The following ARMC3 variants were observed in gnomAD, a reference collection of about 807,000 sequenced individuals.
The protein encoded by ARMC3 is armadillo repeat containing 3.
A neutral mutation model predicts 90.3 loss-of-function variants in ARMC3; 74 were observed. The ratio of observed to expected loss-of-function variants is 0.82; its 90% CI spans 0.68 to 0.99. ARMC3 has a LOEUF of 0.99. Among genes scored for constraint, ARMC3 ranks in the 50% least tolerant of loss-of-function variants. ARMC3 has a pLI of 0.00. For synonymous variants in ARMC3, 334 were observed against 361.8 expected, an observed-to-expected ratio of 0.92 and a Z score of 0.87; for missense variants, 958 against 1,042.8, an observed-to-expected ratio of 0.92 and a Z score of 1.12.
intron 13 of ARMC3, 138 bp downstream of exon 13, chr10:23,003,552 C>A (rs1203023123): frequency 5.2e-6 from 4 of 765,026 alleles, no homozygotes; most frequent in Non-Finnish European, 7.8e-6. Flanking sequence ...ATCAGCACTT[C>A]ATTCTTAACT....
Position 22,946,167 on chromosome 10 carries a change from C to CA in ARMC3, c.78dup (p.Ala27SerfsTer9). 6.2e-7 allele frequency: 1 copy of CA among 1,611,060 alleles called. No individual in the cohort carries two copies. Among genetic ancestry groups the CA allele is most frequent in the East Asian group, 2.2e-5 (1 of 44,732 alleles). On this transcript the variant is annotated frameshift_variant, in exon 3 of 19. Transcript: ENST00000298032. LOFTEE classifies it high-confidence loss of function. ...AGTTTGACCCATTAATGATTGAAAG[C>CA]AAAAAAGCAGCAACTGTGGTGTTAA...
intron 14 of ARMC3, 104 bp downstream of exon 14, chr10:23,007,085 C>T: frequency 1.1e-6 from 1 of 906,230 alleles, no homozygotes; most frequent in Non-Finnish European, 1.7e-6. Flanking sequence ...ACCCTTTTCT[C>T]CTGTATCTAG....
chr10:22,998,837 T>A (rs1837147425), intron 11 of ARMC3, among the ~76,000 whole-genome samples: 1 of 152,200 alleles, frequency 6.6e-6, no homozygotes, highest in South Asian at 2.1e-4. Context: ...CAAAAACACG[T>A]TGTAGAAAAA....
At position 22,988,295 on chromosome 10, in the gene ARMC3, A is replaced by T. The variant is rs115142775; in HGVS notation, c.1175+6595A>T. Among the ~76,000 whole-genome samples, 1,403 of 152,310 alleles carry T rather than the reference A, an allele frequency of 9.2e-3. 28 individuals are homozygous for T. The highest frequency in any genetic ancestry group is 0.032 in the African/African-American group (1,327 of 41,562). On this transcript the variant is annotated intron_variant, in intron 10 of 18. Coordinates refer to ENST00000298032, the MANE Select transcript of ARMC3 (RefSeq NM_173081.5). ...AGAACTTCACACAGTGTTTCAAGAAAAGTCAATACTTCATCTAGTGCTTCA... is the reference window on the plus strand; with the variant it reads ...AGAACTTCACACAGTGTTTCAAGAATAGTCAATACTTCATCTAGTGCTTCA...
In ARMC3 at chr10:23,030,336, G is replaced by C. The variant is rs546445914; in HGVS notation, c.2046-260G>C. ...CACATATATGAAAAGTCAGCTCTCT[G>C]TTTCTGTGGGTTTTACATAGCACAA... On this transcript the variant is annotated intron_variant, in intron 16 of 18. Coordinates refer to ENST00000298032, the MANE Select transcript of ARMC3 (RefSeq NM_173081.5). 8.5e-5 allele frequency among the ~76,000 whole-genome samples: 13 copies of C among 152,186 alleles called. 1 individual carries two copies. The South Asian group carries it at 2.7e-3, about 32-fold the overall frequency.
chr10:22,937,122 C>G (rs950596384), intron 2 of ARMC3, among the ~76,000 whole-genome samples: 1 of 152,018 alleles, frequency 6.6e-6, no homozygotes, highest in African/African-American at 2.4e-5. Context: ...AGGCTGGTCT[C>G]GAACTCCTGG....
rs774395579 is a variant in ARMC3 at position 23,032,878 on chromosome 10, T to C, written c.2264T>C (p.Met755Thr). Residue 755 changes from methionine to threonine, a missense_variant, in exon 18 of 19, where the codon ATG becomes ACG. Coordinates refer to ENST00000298032, the MANE Select transcript of ARMC3 (RefSeq NM_173081.5). ...EDLAKYVAEK[M>T]GGKIPKEKLP... Reference sequence around the variant, plus strand: ...TGACACAGGTATGTAGCAGAAAAAATGGGTGGTAAGATTCCAAAAGAGAAA... The same window carrying C: ...TGACACAGGTATGTAGCAGAAAAAACGGGTGGTAAGATTCCAAAAGAGAAA... 6.2e-7 allele frequency: 1 copy of C among 1,611,916 alleles called. No homozygotes were observed. The highest frequency in any genetic ancestry group is 2.2e-5 in the East Asian group (1 of 44,652).
chr10:22,948,236 T>A (rs985398388), intron 3 of ARMC3, among the ~76,000 whole-genome samples: 1 of 152,108 alleles, frequency 6.6e-6, no homozygotes, highest in Non-Finnish European at 1.5e-5. Flanking sequence ...TGTAGAATCC[T>A]GGGTCAAATT....
At chr10:23,019,786 T>A (rs951413514) in intron 16 of ARMC3, among the ~76,000 whole-genome samples, 1 of 151,834 alleles carries the variant, frequency 6.6e-6, no homozygotes, top group African/African-American at 2.4e-5. Flanking sequence ...CTCAAGCAAT[T>A]CGCCTGCCTC....
rs1284067416 is a variant in ARMC3, at chr10:22,962,074, C to G, written c.728C>G (p.Thr243Ser). Reference protein sequence around the residue: ...GLDHLIKILETKELNDLHIEA... With the variant: ...GLDHLIKILESKELNDLHIEA... ...GACCATCTTATTAAGATCCTAGAAA[C>G]TAAGGTATTTAGTTTCATTCATTCC... Residue 243 changes from threonine (T) to serine (S), a missense_variant, in exon 7 of 19, where the codon ACT becomes AGT. Physicochemically the swap from Thr to Ser is moderately conservative, Grantham distance 58 (BLOSUM62 1). Transcript: ENST00000298032. The G allele has an allele frequency of 1.3e-6, 2 of 1,553,080 alleles. No homozygotes were observed. Among genetic ancestry groups the G allele is most frequent in the African/African-American group, 2.8e-5 (2 of 72,260 alleles).
At chr10:23,008,146 A>G in intron 14 of ARMC3, 130 bp from the exon 15 acceptor site, 1 of 513,970 alleles carries the variant, frequency 1.9e-6, no homozygotes. Flanking sequence ...TTATACTTTA[A>G]AAACAGTATG....
chr10:23,028,526 TA>T (rs773315244), intron 16 of ARMC3, among the ~76,000 whole-genome samples: 2 of 152,214 alleles, frequency 1.3e-5, no homozygotes, highest in Non-Finnish European at 2.9e-5. Context: ...TAGATTATAA[TA>T]AGTTATAAGT....
chr10:22,970,702 CAT>C (rs1484631075), intron 8 of ARMC3, among the ~76,000 whole-genome samples: 1 of 152,110 alleles, frequency 6.6e-6, no homozygotes, highest in Non-Finnish European at 1.5e-5. Flanking sequence ...ACCACCAGCA[CAT>C]GTGTGAGTAT....
intron 16 of ARMC3, chr10:23,014,256 G>A (rs1309711276): frequency 5.4e-6 from 8 of 1,494,506 alleles, no homozygotes; most frequent in Non-Finnish European, 7.2e-6. Context: ...AAGAGCTGCT[G>A]TAAGAGGAGA....
At chr10:22,989,247 A>G (rs144970336) in intron 10 of ARMC3, among the ~76,000 whole-genome samples, 153 of 152,334 alleles carry the variant, frequency 1.0e-3, no homozygotes, top group African/African-American at 3.5e-3. Context: ...GCTTTTAGAG[A>G]TAATATTCTA....
chr10:22,939,397 AC>A (rs955331504), intron 2 of ARMC3, among the ~76,000 whole-genome samples: 1 of 151,882 alleles, frequency 6.6e-6, no homozygotes, highest in Non-Finnish European at 1.5e-5. Flanking sequence ...GTTAAGTCAA[AC>A]CCTCTCTAGA....
intron 2 of ARMC3, among the ~76,000 whole-genome samples, chr10:22,932,966 TAAAAC>T (rs772496578): frequency 3.9e-4 from 60 of 152,346 alleles, no homozygotes; most frequent in Non-Finnish European, 6.3e-4. Flanking sequence ...TTGTATGAAT[TAAAAC>T]AAAATAAGTT....
At chr10:22,963,819 G>A (rs1373468438) in intron 7 of ARMC3, among the ~76,000 whole-genome samples, 6 of 148,522 alleles carry the variant, frequency 4.0e-5, no homozygotes, top group Admixed American at 3.4e-4. Flanking sequence ...GAACCCGTGA[G>A]TCGGAGGTTG....
intron 2 of ARMC3, among the ~76,000 whole-genome samples, chr10:22,945,435 A>C (rs1463886950): frequency 6.6e-6 from 1 of 152,180 alleles, no homozygotes; most frequent in African/African-American, 2.4e-5. Flanking sequence ...GTTCGTTTCA[A>C]TTATGCATTT....
Sources: gnomAD v4.1 joint callset for allele counts (sites outside exome capture counted in the v4.1 genomes callset) on GRCh38, gnomAD v4.1.1 for gene constraint, MANE v1.5 for transcripts, NCBI Gene and HGNC (gene_info 2026-07-23, HGNC 2026-07-21) for gene names.